VPS13D: variants seen among roughly 807,000 people sequenced by gnomAD.
The protein encoded by VPS13D is vacuolar protein sorting 13 homolog D.
A neutral mutation model predicts 461.9 loss-of-function variants in VPS13D; 187 were observed. The observed-to-expected ratio is 0.40, with a 90% confidence interval of 0.36 to 0.46. VPS13D has a LOEUF of 0.46. VPS13D is among the 20% of genes least tolerant of loss of function. VPS13D has a pLI of 0.60. For synonymous variants in VPS13D, 1,951 were observed against 1,986.3 expected (o/e 0.98, Z 0.47); for missense variants, 4,711 against 5,364.9 (o/e 0.88, Z 3.81).
At chr1:12,424,450 C>T (rs1644898963) in intron 65 of VPS13D, among the ~76,000 whole-genome samples, 2 of 152,098 alleles carry the variant, frequency 1.3e-5, no homozygotes, top group Non-Finnish European at 2.9e-5. Context: ...CTTGGGGGAT[C>T]TAATAAAAGT....
At chr1:12,421,508 C>G (rs1374184709) in intron 65 of VPS13D, among the ~76,000 whole-genome samples, 1 of 152,128 alleles carries the variant, frequency 6.6e-6, no homozygotes, top group Non-Finnish European at 1.5e-5. Flanking sequence ...GGGAGGGCCC[C>G]CTATTGATGA....
chr1:12,401,872 A>G (rs1306538365), intron 62 of VPS13D, among the ~76,000 whole-genome samples, 168 bp downstream of exon 62: 1 of 152,190 alleles, frequency 6.6e-6, no homozygotes, highest in Non-Finnish European at 1.5e-5. Context: ...TTTTCAAAGT[A>G]TTACTTGTTG....
intron 55 of VPS13D, among the ~76,000 whole-genome samples, chr1:12,377,051 C>CT (rs1244096196): frequency 6.6e-6 from 1 of 151,358 alleles, no homozygotes. Context: ...GAGTTTTTTT[C>CT]TTTTTTTCTT....
intron 12 of VPS13D, 45 bp from the exon 13 acceptor site, chr1:12,261,856 T>A (rs758498836): frequency 9.9e-6 from 15 of 1,513,650 alleles, no homozygotes; most frequent in Non-Finnish European, 4.5e-6. Context: ...TGCTTTTTTA[T>A]TCTTCCACGT....
At chr1:12,255,653 G>A (rs904018732) in intron 7 of VPS13D, among the ~76,000 whole-genome samples, 19 of 151,992 alleles carry the variant, frequency 1.3e-4, no homozygotes, top group Non-Finnish European at 2.5e-4. Flanking sequence ...CAGCACTTGG[G>A]AGACTGAGGT....
In VPS13D at chr1:12,268,761, C is replaced by T; in HGVS notation, c.1857C>T (p.His619=). 1 of 1,614,128 alleles carries T rather than the reference C, an allele frequency of 6.2e-7. No homozygotes were observed. The highest frequency in any genetic ancestry group is 8.5e-7 in the Non-Finnish European group (1 of 1,179,996). Residue 619 remains histidine, a synonymous_variant, in exon 16 of 70, where the codon CAC becomes CAT. Transcript: ENST00000620676. ...TGCTGTATGAGAGAAATCCGGCGCA[C>T]AGCCACTTTGAGAGGCGGCTCAATG... The part of the protein sequence containing the change: ...FEMLYERNPA[H]SHFERRLNVS...
chr1:12,258,000 G>A lies in VPS13D; in HGVS notation c.1007G>A (p.Arg336His), dbSNP rs143197573. 2.1e-4 allele frequency: 338 copies of A among 1,614,202 alleles called. 2 individuals are homozygous for A. In the East Asian group the frequency reaches 6.0e-3, roughly 29 times the overall value. Residue 336 changes from arginine to histidine, a missense_variant, in exon 10 of 70, where the codon CGT becomes CAT. Coordinates refer to ENST00000620676, the MANE Select transcript of VPS13D (RefSeq NM_015378.4). ...TATGAGATCAGAGAGCAGAGGAAAC[G>A]TTGCACCTGGGACTTTATGTTGCAC... ...NLYEIREQRK[R>H]CTWDFMLHRA...
chr1:12,404,003 G>A (rs372703445), intron 63 of VPS13D, 30 bp downstream of exon 63: 1 of 1,564,112 alleles, frequency 6.4e-7, no homozygotes, highest in South Asian at 1.2e-5. Context: ...AATTTTTTTA[G>A]ATGATTTTTC....
At chr1:12,436,228 T>G (rs1465336793) in intron 65 of VPS13D, among the ~76,000 whole-genome samples, 1 of 152,186 alleles carries the variant, frequency 6.6e-6, no homozygotes, top group East Asian at 1.9e-4. Context: ...TGGGGGTTCC[T>G]GTAGGGGGAT....
At chr1:12,486,818 C>T (rs1039577706) in intron 67 of VPS13D, among the ~76,000 whole-genome samples, 7 of 152,114 alleles carry the variant, frequency 4.6e-5, no homozygotes, top group African/African-American at 1.4e-4. Flanking sequence ...ACCCAGTCCT[C>T]AGTCTTGTGG....
chr1:12,500,352 T>C (rs930973650), intron 68 of VPS13D: 1 of 533,262 alleles, frequency 1.9e-6, no homozygotes, highest in Non-Finnish European at 2.4e-6. Flanking sequence ...TGGATTAAGA[T>C]GATGTTAAAG....
At chr1:12,457,907 C>T (rs1004812094) in intron 66 of VPS13D, among the ~76,000 whole-genome samples, 1 of 152,192 alleles carries the variant, frequency 6.6e-6, no homozygotes, top group African/African-American at 2.4e-5. Context: ...CATTCTTTCT[C>T]GTAATGGTAA....
chr1:12,411,706 C>G (rs1219738502), intron 63 of VPS13D, among the ~76,000 whole-genome samples: 1 of 152,192 alleles, frequency 6.6e-6, no homozygotes, highest in Non-Finnish European at 1.5e-5. Context: ...CTGGGTGTTT[C>G]TTCTGCTGGT....
intron 19 of VPS13D, 96 bp downstream of exon 19, chr1:12,278,134 C>T: frequency 7.8e-7 from 1 of 1,280,444 alleles, no homozygotes; most frequent in South Asian, 1.5e-5. Context: ...AAATCCTTTT[C>T]TTTTAGAATA....
intron 19 of VPS13D, 122 bp downstream of exon 19, chr1:12,278,160 T>A: frequency 9.2e-7 from 1 of 1,087,778 alleles, no homozygotes; most frequent in Admixed American, 3.0e-5. Flanking sequence ...CAGTTAATAT[T>A]TAAGAAATCA....
intron 60 of VPS13D, among the ~76,000 whole-genome samples, chr1:12,398,734 C>G (rs542972348): frequency 6.6e-6 from 1 of 152,168 alleles, no homozygotes; most frequent in Non-Finnish European, 1.5e-5. Context: ...CTGACTTAAT[C>G]GTTTCGTTCC....
intron 34 of VPS13D, among the ~76,000 whole-genome samples, chr1:12,322,996 A>C (rs542734902): frequency 6.6e-6 from 1 of 152,294 alleles, no homozygotes; most frequent in South Asian, 2.1e-4. Flanking sequence ...GCCAAAGTTG[A>C]GTTTTAAGCT....
rs570537990 is a variant in VPS13D at position 12,485,681 on chromosome 1, A to C, written c.12663-11819A>C. 2.6e-5 allele frequency among the ~76,000 whole-genome samples: 4 copies of C among 152,174 alleles called. No individual in the cohort carries two copies. The East Asian group carries it at 7.7e-4, about 29-fold the overall frequency. The stretch of plus-strand genomic sequence containing the variant: ...AAGGTTGTTGGGGGGGTGGGCCCGC[A>C]GGGGATCTGGGAGAAAAAATCCAGT... On this transcript the variant is annotated intron_variant, in intron 67 of 69. Coordinates refer to ENST00000620676, the MANE Select transcript of VPS13D (RefSeq NM_015378.4).
At chr1:12,312,934 G>A (rs570131644) in intron 29 of VPS13D, among the ~76,000 whole-genome samples, 1 of 152,288 alleles carries the variant, frequency 6.6e-6, no homozygotes, top group East Asian at 1.9e-4. Context: ...GCTTATTTCT[G>A]TCACTTCCTT....
Sources: gnomAD v4.1 joint callset for allele counts (sites outside exome capture counted in the v4.1 genomes callset) on GRCh38, gnomAD v4.1.1 for gene constraint, MANE v1.5 for transcripts, NCBI Gene and HGNC (gene_info 2026-07-23, HGNC 2026-07-21) for gene names.